The following PDK1 variants were observed in gnomAD, a reference collection of about 807,000 sequenced individuals.
PDK1 encodes [Pyruvate dehydrogenase (acetyl-transferring)] kinase isozyme 1, mitochondrial.
PDK1 carries 39 observed loss-of-function variants against 54.2 expected under a neutral mutation model. The ratio of observed to expected loss-of-function variants is 0.72; its 90% CI spans 0.56 to 0.94. The LOEUF (loss-of-function observed/expected upper bound fraction) is 0.94, where lower values mean the gene tolerates loss of function less well. Among genes scored for constraint, PDK1 ranks in the 40% least tolerant of loss-of-function variants. PDK1 has a pLI of 0.00. For missense variants in PDK1, 552 were observed against 566.0 expected, an observed-to-expected ratio of 0.98 and a Z score of 0.25; for synonymous variants, 221 against 207.1, an observed-to-expected ratio of 1.07 and a Z score of -0.58.
At chr2:172,611,331 C>G (rs757065580), downstream of PDK1, among the ~76,000 whole-genome samples, 1 of 152,034 alleles carries the variant, frequency 6.6e-6, no homozygotes. Context: ...AGAAATCAAC[C>G]AGGATGAAAT....
the PDK1 span, among the ~76,000 whole-genome samples, chr2:172,659,852 G>C: frequency 2.5e-4 from 38 of 152,268 alleles, no homozygotes; most frequent in Non-Finnish European, 5.0e-4. Context: ...GTTATTGAAG[G>C]CTTTTTGTTA....
the PDK1 span, among the ~76,000 whole-genome samples, chr2:172,709,798 G>A: frequency 6.6e-6 from 1 of 152,134 alleles, no homozygotes; most frequent in African/African-American, 2.4e-5. Flanking sequence ...ACTTCTTCCA[G>A]TCTGTTCCTG....
chr2:172,645,148 A>G, the PDK1 span, among the ~76,000 whole-genome samples: 22 of 152,078 alleles, frequency 1.4e-4, no homozygotes, highest in Non-Finnish European at 2.6e-4. Flanking sequence ...TACAGAAATC[A>G]GCAAAAAGTA....
chr2:172,558,014 TA>T (rs1688443762), intron 1 of PDK1: 1 of 148,626 alleles, frequency 6.7e-6, no homozygotes, highest in Non-Finnish European at 1.5e-5. Flanking sequence ...ATTTTCTGTA[TA>T]TGTGAGGTCT....
intron 9 of PDK1, among the ~76,000 whole-genome samples, chr2:172,592,460 T>G (rs576787550): frequency 6.6e-6 from 1 of 152,096 alleles, no homozygotes; most frequent in South Asian, 2.1e-4. Context: ...TTTCTTTCTC[T>G]CTGACTCCCT....
the PDK1 span, among the ~76,000 whole-genome samples, chr2:172,699,358 G>A: frequency 2.9e-4 from 44 of 152,304 alleles, 1 homozygote; most frequent in African/African-American, 8.9e-4. Flanking sequence ...GCTTCTCAGC[G>A]AAGCTGAGCT....
upstream of PDK1, chr2:172,555,741 T>G (rs1186238293): frequency 6.3e-6 from 1 of 159,710 alleles, no homozygotes; most frequent in Non-Finnish European, 1.4e-5. Flanking sequence ...TTCAAAAGGG[T>G]GCGGGAAGGG....
the PDK1 span, among the ~76,000 whole-genome samples, chr2:172,670,559 G>A: frequency 6.6e-6 from 1 of 152,108 alleles, no homozygotes; most frequent in East Asian, 1.9e-4. Context: ...TTTAGACAAA[G>A]TACAAATAGT....
At chr2:172,696,809 T>A in the PDK1 span, among the ~76,000 whole-genome samples, 1 of 152,234 alleles carries the variant, frequency 6.6e-6, no homozygotes, top group Non-Finnish European at 1.5e-5. Context: ...TCCACAAGAC[T>A]ACTTATTCAT....
At chr2:172,701,659 T>G in the PDK1 span, among the ~76,000 whole-genome samples, 2 of 150,980 alleles carry the variant, frequency 1.3e-5, no homozygotes, top group South Asian at 4.2e-4. Flanking sequence ...TTTTTTTTTT[T>G]TTTTGGAACA....
rs1007011593 is a variant in PDK1 at position 172,601,937 on chromosome 2, A to C, written c.*5968A>C. On this transcript the variant is annotated 3_prime_UTR_variant, in exon 11 of 11. Transcript: ENST00000282077. ...ATAAAAATTTTGTAAGTGGAGAAGA[A>C]ATGGATATATTTCTAGGAAAACAGT... The C allele has an allele frequency of 2.6e-5, 4 of 152,218 alleles. No individual in the cohort carries two copies. The highest frequency in any genetic ancestry group is 5.9e-5 in the Non-Finnish European group (4 of 68,038). The allele number at this position is 152,218 out of a possible 1,614,324, so 9.4% of individuals were successfully genotyped here. A position where few individuals can be genotyped will look rare whatever the true frequency, so the allele number is the denominator to read the frequency against.
At chr2:172,639,229 G>T in the PDK1 span, among the ~76,000 whole-genome samples, 1 of 152,110 alleles carries the variant, frequency 6.6e-6, no homozygotes, top group South Asian at 2.1e-4. Context: ...GGAGCAAAAG[G>T]GTTCACATTT....
the PDK1 span, among the ~76,000 whole-genome samples, chr2:172,682,204 C>A: frequency 6.6e-6 from 1 of 152,192 alleles, no homozygotes; most frequent in Non-Finnish European, 1.5e-5. Context: ...GAGGTGGGAC[C>A]ATGGCCAGCA....
the PDK1 span, among the ~76,000 whole-genome samples, chr2:172,711,621 T>C: frequency 1.3e-5 from 2 of 152,110 alleles, no homozygotes; most frequent in Admixed American, 6.5e-5. Context: ...TCCCAGAACT[T>C]TGGGAGGCAG....
chr2:172,610,789 T>C (rs1691438481), downstream of PDK1, among the ~76,000 whole-genome samples: 1 of 152,106 alleles, frequency 6.6e-6, no homozygotes, highest in South Asian at 2.1e-4. Context: ...TTTTGTATTT[T>C]CAGTACAGAT....
At chr2:172,621,574 TATATG>T in the PDK1 span, among the ~76,000 whole-genome samples, 6 of 146,910 alleles carry the variant, frequency 4.1e-5, no homozygotes, top group African/African-American at 1.5e-4. Flanking sequence ...ATTTATATTA[TATATG>T]ATATATGTTT....
chr2:172,646,463 G>A, the PDK1 span, among the ~76,000 whole-genome samples: 1 of 151,606 alleles, frequency 6.6e-6, no homozygotes, highest in African/African-American at 2.4e-5. Context: ...AAGAAAAGGA[G>A]AATGTTGAAT....
upstream of PDK1, chr2:172,555,869 G>A (rs1032311276): frequency 1.6e-5 from 5 of 304,954 alleles, no homozygotes; most frequent in East Asian, 2.8e-4. Context: ...GGCGGCGGCT[G>A]CGGCCTGGCG....
At chr2:172,707,525 T>C in the PDK1 span, among the ~76,000 whole-genome samples, 1 of 152,174 alleles carries the variant, frequency 6.6e-6, no homozygotes, top group African/African-American at 2.4e-5. Flanking sequence ...GCTTCCAGGC[T>C]GCCAGCTTCG....
Sources: allele counts gnomAD v4.1 joint callset (sites outside exome capture counted in the v4.1 genomes callset), GRCh38; gene constraint gnomAD v4.1.1; transcripts MANE v1.5; gene names NCBI Gene and HGNC (gene_info 2026-07-23, HGNC 2026-07-21).